The following MRPS6 variants were observed in gnomAD, a reference collection of about 807,000 sequenced individuals.
MRPS6 encodes the protein small ribosomal subunit protein bS6m.
In MRPS6, 6 loss-of-function variants were observed where a neutral mutation model predicts 13.1. That is an observed-to-expected ratio of 0.46 (90% CI 0.25 to 0.91). The LOEUF is 0.91. Ranked by LOEUF, MRPS6 falls within the 40% of genes least tolerant of loss-of-function variation. The probability of loss-of-function intolerance (pLI) is 0.18; values close to 1 mark genes in which losing one functional copy is unlikely to be tolerated. For missense variants in MRPS6, 164 were observed against 155.6 expected (o/e 1.05, Z -0.29); for synonymous variants, 61 against 56.5 (o/e 1.08, Z -0.36).
At position 34,096,864 on chromosome 21, in the gene MRPS6, G is replaced by A. The variant is rs1978986253; in HGVS notation, c.45+23119G>A. The stretch of plus-strand genomic sequence containing the variant: ...GTCTAAGAAGAACCTGGTGGTGAAG[G>A]AGAACTGCTCCCCAAAAGAGGAACC... On this transcript the variant is annotated intron_variant, in intron 1 of 2. Coordinates refer to ENST00000399312, the MANE Select transcript of MRPS6 (RefSeq NM_032476.4). This position sits in a 1 kb window ranked among gnomAD's most constrained non-coding sequence, Gnocchi z 5.9. The A allele has an allele frequency of 6.2e-7, 1 of 1,614,088 alleles. No individual in the cohort carries two copies. The highest frequency in any genetic ancestry group is 8.5e-7 in the Non-Finnish European group (1 of 1,179,984).
intron 2 of MRPS6, among the ~76,000 whole-genome samples, chr21:34,133,619 G>A (rs1424979780): frequency 6.6e-6 from 1 of 152,184 alleles, no homozygotes; most frequent in Non-Finnish European, 1.5e-5. Flanking sequence ...CTCTCTGGAG[G>A]GAGGGGCATG....
chr21:34,095,239 C>T lies in MRPS6; in HGVS notation c.45+21494C>T, dbSNP rs575528471. ...GACACAGCAGACATTGCCATAGTGG[C>T]CCTGTATTTTATCCTGGTCATGTGC... On this transcript the variant is annotated intron_variant, in intron 1 of 2. Coordinates refer to ENST00000399312, the MANE Select transcript of MRPS6 (RefSeq NM_032476.4). 3.3e-5 allele frequency: 53 copies of T among 1,613,532 alleles called. 1 individual carries two copies. The South Asian group carries it at 5.4e-4, about 16-fold the overall frequency.
At chr21:34,141,127 T>G (rs1980892675) in intron 2 of MRPS6, among the ~76,000 whole-genome samples, 2 of 152,358 alleles carry the variant, frequency 1.3e-5, no homozygotes, top group African/African-American at 4.8e-5. Context: ...GCTCCACATT[T>G]CATGCTAACA....
intron 1 of MRPS6, among the ~76,000 whole-genome samples, chr21:34,111,048 G>C (rs747911753): frequency 2.6e-5 from 4 of 152,160 alleles, no homozygotes; most frequent in Non-Finnish European, 5.9e-5. Flanking sequence ...CCTTGTTTAT[G>C]ATATGTGAGC....
intron 1 of MRPS6, chr21:34,098,578 A>G: frequency 1.0e-6 from 1 of 1,000,274 alleles, no homozygotes; most frequent in African/African-American, 1.7e-5. Context: ...CAGAAAACTC[A>G]GTGCATACTT....
Position 34,073,734 on chromosome 21 carries a change from G to GCCATGCAGCGGGTAAGTGA in MRPS6, c.37_45+10dup. Reference sequence around the variant, plus strand: ...CTACGAGCTGGCTTTAATCCTGAAAGCCATGCAGCGGGTAAGTGACCTTCC... The same window carrying GCCATGCAGCGGGTAAGTGA: ...CTACGAGCTGGCTTTAATCCTGAAAGCCATGCAGCGGGTAAGTGACCATGCAGCGGGTAAGTGACCTTCC... On this transcript the variant is annotated frameshift_variant, in exon 1 of 3. Coordinates refer to ENST00000399312, the MANE Select transcript of MRPS6 (RefSeq NM_032476.4). LOFTEE classifies it high-confidence loss of function. The GCCATGCAGCGGGTAAGTGA allele has an allele frequency of 6.5e-7, 1 of 1,528,186 alleles. No homozygotes were observed. The highest frequency in any genetic ancestry group is 8.8e-7 in the Non-Finnish European group (1 of 1,132,726). The allele number at this position is 1,528,186 out of a possible 1,614,324, so 94.7% of individuals were successfully genotyped here.
At chr21:34,097,388 C>A in intron 1 of MRPS6, 1 of 1,538,160 alleles carries the variant, frequency 6.5e-7, no homozygotes, top group Admixed American at 2.1e-5. Flanking sequence ...TAACTTAAGA[C>A]AATACTGACT....
In MRPS6 at chr21:34,113,630, G is replaced by A. The variant is rs145273971; in HGVS notation, c.46-11711G>A. 2.9e-3 allele frequency among the ~76,000 whole-genome samples: 443 copies of A among 152,278 alleles called. 4 individuals carry two copies. The highest frequency in any genetic ancestry group is 1.0e-2 in the African/African-American group (414 of 41,564). ...CCTTCCTCCCACCACTTGAATTTAA[G>A]CATCACTGCAGTTGGCCTAGTTGAT... On this transcript the variant is annotated intron_variant, in intron 1 of 2. Coordinates refer to ENST00000399312, the MANE Select transcript of MRPS6 (RefSeq NM_032476.4).
At chr21:34,086,880 G>A (rs1294435259) in intron 1 of MRPS6, among the ~76,000 whole-genome samples, 2 of 152,154 alleles carry the variant, frequency 1.3e-5, no homozygotes, top group Non-Finnish European at 2.9e-5. Flanking sequence ...TTTCTGTTGG[G>A]TGAGCTGAAG....
intron 1 of MRPS6, among the ~76,000 whole-genome samples, chr21:34,110,402 C>T (rs1004761513): frequency 6.6e-5 from 10 of 152,070 alleles, no homozygotes; most frequent in African/African-American, 2.4e-4. Context: ...ATTGCTTGAG[C>T]CTGGGAGGTC....
intron 1 of MRPS6, among the ~76,000 whole-genome samples, chr21:34,121,995 C>T (rs757119659): frequency 5.9e-5 from 9 of 152,130 alleles, no homozygotes; most frequent in Admixed American, 5.9e-4. Context: ...GATGACACAT[C>T]CAGTGAGGAA....
chr21:34,098,591 C>T (rs1979081540), intron 1 of MRPS6: 5 of 1,000,104 alleles, frequency 5.0e-6, no homozygotes, highest in Non-Finnish European at 6.0e-6. Flanking sequence ...GCATACTTTG[C>T]TGTTGTTAGG....
At chr21:34,137,987 A>G (rs1487638421) in intron 2 of MRPS6, among the ~76,000 whole-genome samples, 1 of 152,164 alleles carries the variant, frequency 6.6e-6, no homozygotes, top group African/African-American at 2.4e-5. Flanking sequence ...AATATATGAT[A>G]GTAGTGAATT....
intron 1 of MRPS6, chr21:34,095,688 C>T: frequency 6.2e-7 from 1 of 1,613,826 alleles, no homozygotes; most frequent in Non-Finnish European, 8.5e-7. Flanking sequence ...GTCTGTCATC[C>T]TGCTCATTGG....
At chr21:34,125,237 C>T in intron 1 of MRPS6, 104 bp from the exon 2 acceptor site, 1 of 1,480,464 alleles carries the variant, frequency 6.8e-7, no homozygotes, top group South Asian at 1.5e-5. Flanking sequence ...CGATTCCTAC[C>T]AGTAGAGCTG....
intron 2 of MRPS6, among the ~76,000 whole-genome samples, chr21:34,127,059 T>C (rs937546883): frequency 6.6e-6 from 1 of 152,206 alleles, no homozygotes; most frequent in African/African-American, 2.4e-5. Flanking sequence ...CTAGCCCTAC[T>C]TCTGGGTTCC....
chr21:34,098,450 A>G lies in MRPS6; in HGVS notation c.45+24705A>G, dbSNP rs1175431963. The G allele has an allele frequency of 7.0e-6, 7 of 999,810 alleles. No homozygotes were observed. In the African/African-American group the frequency reaches 1.2e-4, roughly 18 times the overall value. 61.9% of individuals were successfully genotyped at this position (999,810 alleles called of 1,614,324 possible). A position where few individuals can be genotyped will look rare whatever the true frequency, so the allele number is the denominator to read the frequency against. On this transcript the variant is annotated intron_variant, in intron 1 of 2. Transcript: ENST00000399312. ...TCTGATATCTTATTGCATCCTTGAT[A>G]AGTTTTTCCCTGATTTTTTTTTTCC...
In MRPS6 at chr21:34,125,420, TG is replaced by T; in HGVS notation, c.128del (p.Gly43ValfsTer44). On this transcript the variant is annotated frameshift_variant, in exon 2 of 3. Transcript: ENST00000399312. LOFTEE classifies it high-confidence loss of function. Reference protein sequence around the residue: ...RGAIVRDLENLGERALPYRIS... With the variant: ...RGAIVRDLENXGERALPYRIS... ...GCAATAGTGAGGGACTTGGAAAACC[TG>T]GGTGAACGAGCGCTTCCTTATAGGA... is the stretch of plus-strand genomic sequence containing the variant. 2 of 1,614,100 alleles carry T rather than the reference TG, an allele frequency of 1.2e-6. No individual in the cohort carries two copies. The highest frequency in any genetic ancestry group is 1.7e-6 in the Non-Finnish European group (2 of 1,179,966).
chr21:34,108,307 T>C (rs943955082), intron 1 of MRPS6, among the ~76,000 whole-genome samples: 3 of 152,328 alleles, frequency 2.0e-5, no homozygotes, highest in Admixed American at 6.5e-5. Context: ...CTGGACCTTT[T>C]CTATGTTTAG....
Sources: gnomAD v4.1 joint callset for allele counts (sites outside exome capture counted in the v4.1 genomes callset) on GRCh38, gnomAD v4.1.1 for gene constraint, Gnocchi (gnomAD v3.1) non-coding constraint, MANE v1.5 for transcripts, NCBI Gene and HGNC (gene_info 2026-07-23, HGNC 2026-07-21) for gene names.